The following LTBP2 variants were observed in gnomAD, a reference collection of about 807,000 sequenced individuals.
The protein encoded by LTBP2 is latent transforming growth factor beta binding protein 2, also known as latent-transforming growth factor beta-binding protein 2.
Under a neutral mutation model 210.6 loss-of-function variants are expected in LTBP2, and 103 were observed. The observed-to-expected ratio is 0.49, with a 90% CI of 0.42 to 0.58. LTBP2 has a LOEUF of 0.58. Among genes scored for constraint, LTBP2 ranks in the 20% least tolerant of loss-of-function variants. The pLI, the probability that LTBP2 is intolerant of heterozygous loss-of-function variation, is 0.00. For synonymous variants in LTBP2, 1,007 were observed against 1,015.0 expected (o/e 0.99, Z 0.15); for missense variants, 2,313 against 2,494.5 (o/e 0.93, Z 1.55).
chr14:74,533,390 C>A (rs1410450872), intron 9 of LTBP2, among the ~76,000 whole-genome samples: 1 of 152,090 alleles, frequency 6.6e-6, no homozygotes, highest in East Asian at 1.9e-4. Flanking sequence ...GGAAACAGAT[C>A]AGGGGGACTG....
chr14:74,609,430 C>T (rs1019118943), intron 1 of LTBP2, among the ~76,000 whole-genome samples: 2 of 152,028 alleles, frequency 1.3e-5, no homozygotes, highest in African/African-American at 2.4e-5. Flanking sequence ...CCAGCCCCCA[C>T]GCTCCACTTC....
At chr14:74,597,783 C>T (rs527323631) in intron 2 of LTBP2, among the ~76,000 whole-genome samples, 3 of 152,260 alleles carry the variant, frequency 2.0e-5, no homozygotes, top group South Asian at 2.1e-4. Context: ...CGCCACCTCC[C>T]ACCTTCCTCT....
chr14:74,536,130 T>G, intron 8 of LTBP2, 130 bp from the exon 9 acceptor site: 3 of 774,874 alleles, frequency 3.9e-6, no homozygotes, highest in Non-Finnish European at 6.7e-6. Context: ...CCCGAAGCCA[T>G]CGCCCTGGGC....
Position 74,611,597 on chromosome 14 carries a change from C to T in LTBP2, c.348G>A (p.Gln116=). Residue 116 remains glutamine (Q), a synonymous_variant, in exon 1 of 36, where the codon CAG becomes CAA. Coordinates refer to ENST00000261978, the MANE Select transcript of LTBP2 (RefSeq NM_000428.3). ...TGCTTCTCCGGGTCTGCGCAGGTGG[C>T]TGGACACGCCGCGACTGCTGCGCGC... ...PSRAQQSRRV[Q]PPAQTRRSTP... The T allele has an allele frequency of 6.4e-7, 1 of 1,570,204 alleles. No homozygotes were observed. Among genetic ancestry groups the T allele is most frequent in the Non-Finnish European group, 8.6e-7 (1 of 1,164,380 alleles).
intron 1 of LTBP2, 117 bp downstream of exon 1, chr14:74,611,334 T>G (rs930734954): frequency 2.7e-5 from 33 of 1,230,060 alleles, no homozygotes; most frequent in Non-Finnish European, 3.5e-5. Context: ...CCCGAAGTAC[T>G]AAAGACAGAG....
chr14:74,511,463 G>A (rs2087070840), intron 18 of LTBP2, 99 bp from the exon 19 acceptor site: 2 of 1,472,360 alleles, frequency 1.4e-6, no homozygotes, highest in Admixed American at 3.4e-5. Flanking sequence ...TGGTTGGGGA[G>A]AGGGATGGAC....
intron 3 of LTBP2, 125 bp from the exon 4 acceptor site, chr14:74,555,818 A>T (rs1566636989): frequency 3.1e-6 from 2 of 635,684 alleles, no homozygotes; most frequent in Non-Finnish European, 4.8e-6. Context: ...CTTCTCACCC[A>T]TGTATGGCTG....
chr14:74,504,818 A>G lies in LTBP2; in HGVS notation c.4413T>C (p.Pro1471=). The change falls in exon 30 of 36, where the codon CCT becomes CCC. Residue 1471 remains proline (P), a synonymous_variant. Coordinates refer to ENST00000261978, the MANE Select transcript of LTBP2 (RefSeq NM_000428.3). The stretch of plus-strand genomic sequence containing the variant: ...GTCCAAACGTCCAGGCTCCTTCCAC[A>G]GGAATGTAGCCTTTTCCACTAGGGC... ...EICPSGKGYI[P]VEGAWTFGQT... 6.2e-7 allele frequency: 1 copy of G among 1,614,254 alleles called. No individual in the cohort carries two copies. The highest frequency in any genetic ancestry group is 8.5e-7 in the Non-Finnish European group (1 of 1,180,032).
At chr14:74,574,867 A>G (rs1244156817) in intron 3 of LTBP2, among the ~76,000 whole-genome samples, 2 of 152,018 alleles carry the variant, frequency 1.3e-5, no homozygotes, top group Non-Finnish European at 2.9e-5. Context: ...GAGAAGGGGG[A>G]AGGTAGGAGG....
In LTBP2 at chr14:74,500,884, C is replaced by A; in HGVS notation, c.5466G>T (p.Ter1822TyrextTer31). The A allele has an allele frequency of 6.2e-7, 1 of 1,614,032 alleles. No homozygotes were observed. Residue 1822 changes from the stop codon to tyrosine (Y), a stop_lost, in exon 36 of 36, where the codon TAG becomes TAT. Coordinates refer to ENST00000261978, the MANE Select transcript of LTBP2 (RefSeq NM_000428.3). ...TAGTTGCCACACTGACCCCTGACTG[C>A]TACTCCTTGGCAGTGCAGTGGGGGG... The part of the protein sequence containing the change: ...AGPPHCTAKE[*>Y]
chr14:74,516,836 T>C lies in LTBP2; in HGVS notation c.2894A>G (p.Lys965Arg). ...ECDQGYIMVR[K>R]GHCQDINECR... ...CCGTTCCTTACCTTGGCAGTGTCCTTTCCTGACCATGATGTAGCCCTGATC... is the reference window on the plus strand; with the variant it reads ...CCGTTCCTTACCTTGGCAGTGTCCTCTCCTGACCATGATGTAGCCCTGATC... Residue 965 changes from lysine (K) to arginine (R), a missense_variant, in exon 18 of 36, where the codon AAA (lysine) becomes AGA (arginine). Lys to Arg is a conservative substitution (Grantham distance 26, BLOSUM62 2). Around this residue, in one of 3 missense-constraint regions of LTBP2, gnomAD observed 1,867 missense variants for 1,976.9 expected, o/e 0.94. Transcript: ENST00000261978. 6.4e-7 allele frequency: 1 copy of C among 1,551,860 alleles called. No homozygotes were observed. The highest frequency in any genetic ancestry group is 1.2e-5 in the South Asian group (1 of 84,066).
chr14:74,582,413 C>G (rs567941050), intron 3 of LTBP2, among the ~76,000 whole-genome samples: 1 of 151,032 alleles, frequency 6.6e-6, no homozygotes, highest in East Asian at 2.0e-4. Context: ...CACACACACA[C>G]ACACACACAC....
rs1320696707 is a variant in LTBP2 at position 74,611,849 on chromosome 14, C to T, written c.96G>A (p.Ala32=). 3 of 1,611,110 alleles carry T rather than the reference C, an allele frequency of 1.9e-6. No individual in the cohort carries two copies. The highest frequency in any genetic ancestry group is 1.3e-5 in the African/African-American group (1 of 75,014). ...CTACGGGGTCCCTTTGGGCATGACC[C>T]GCGCCCACGAAGAGAGCCAGGGTGA... ...LPLTLALFVG[A]GHAQRDPVGR... Residue 32 remains alanine, a synonymous_variant, in exon 1 of 36, where the codon GCG becomes GCA. Transcript: ENST00000261978.
chr14:74,565,818 C>T (rs1013358315), intron 3 of LTBP2, among the ~76,000 whole-genome samples: 3 of 152,120 alleles, frequency 2.0e-5, no homozygotes, highest in Admixed American at 6.5e-5. Flanking sequence ...CTGACTGGGG[C>T]GTTAACTCTG....
rs747299641 is a variant in LTBP2, at chr14:74,552,216, G to A, written c.1370C>T (p.Thr457Ile). The change falls in exon 6 of 36, where the codon ACT becomes ATT. Residue 457 changes from threonine to isoleucine, a missense_variant. Coordinates refer to ENST00000261978, the MANE Select transcript of LTBP2 (RefSeq NM_000428.3). ...CTGGTTGGAGAGCGGCAGTGTGAAA[G>A]TGGACTGCTTCAGTGGGGCTTCCAG... Reference protein sequence around the residue: ...ALLEAPLKQSTFTLPLSNQLA... With the variant: ...ALLEAPLKQSIFTLPLSNQLA... 1.2e-6 allele frequency: 2 copies of A among 1,611,796 alleles called. No individual in the cohort carries two copies. Among genetic ancestry groups the A allele is most frequent in the Admixed American group, 1.7e-5 (1 of 59,924 alleles).
chr14:74,578,789 G>A (rs2088096964), intron 3 of LTBP2, among the ~76,000 whole-genome samples: 1 of 152,210 alleles, frequency 6.6e-6, no homozygotes, highest in African/African-American at 2.4e-5. Flanking sequence ...CAATTTACAA[G>A]CTGCCACACT....
At chr14:74,516,973 G>T in intron 17 of LTBP2, 32 bp from the exon 18 acceptor site, 1 of 1,548,676 alleles carries the variant, frequency 6.5e-7, no homozygotes. Flanking sequence ...CTGAGTCACA[G>T]CCAGCCCTGG....
chr14:74,532,958 G>C (rs2087371606), intron 9 of LTBP2, among the ~76,000 whole-genome samples: 1 of 152,174 alleles, frequency 6.6e-6, no homozygotes, highest in Admixed American at 6.5e-5. Context: ...TCATGCCTCA[G>C]CCTCCCGAGT....
intron 18 of LTBP2, among the ~76,000 whole-genome samples, chr14:74,513,787 A>G (rs2087101974): frequency 7.0e-6 from 1 of 142,618 alleles, no homozygotes; most frequent in Admixed American, 7.1e-5. Flanking sequence ...CCTGGGTGAC[A>G]GAGCGAGACT....
Sources: allele counts gnomAD v4.1 joint callset (sites outside exome capture counted in the v4.1 genomes callset), GRCh38; gene constraint gnomAD v4.1.1; regional missense constraint gnomAD v4.1.1; transcripts MANE v1.5; gene names NCBI Gene and HGNC (gene_info 2026-07-23, HGNC 2026-07-21).